SLC5A8: variants seen among roughly 807,000 people sequenced by gnomAD.
SLC5A8 encodes solute carrier family 5 member 8.
A neutral mutation model predicts 71.9 loss-of-function variants in SLC5A8; 55 were observed. The observed-to-expected ratio is 0.77, with a 90% CI of 0.62 to 0.96. The LOEUF is 0.96. SLC5A8 is among the 40% of genes least tolerant of loss of function. SLC5A8 has a pLI of 0.00. For synonymous variants in SLC5A8, 307 were observed against 276.1 expected (o/e 1.11, Z -1.11); for missense variants, 701 against 745.3 (o/e 0.94, Z 0.69).
chr12:101,192,784 C>A (rs1376115186), intron 5 of SLC5A8, among the ~76,000 whole-genome samples: 1 of 152,018 alleles, frequency 6.6e-6, no homozygotes, highest in Non-Finnish European at 1.5e-5. Context: ...TAATCATAAG[C>A]TACTATGTTA....
At chr12:101,158,936 C>T (rs1200946961) in intron 13 of SLC5A8, among the ~76,000 whole-genome samples, 2 of 134,564 alleles carry the variant, frequency 1.5e-5, no homozygotes, top group Non-Finnish European at 3.1e-5. Flanking sequence ...ATCCTCTTCC[C>T]TAAGGTTTTC....
At chr12:101,192,936 T>C (rs1015792531) in intron 5 of SLC5A8, among the ~76,000 whole-genome samples, 1 of 151,462 alleles carries the variant, frequency 6.6e-6, no homozygotes, top group South Asian at 2.1e-4. Context: ...TAATCCAATA[T>C]GCTAGTGTTT....
rs879390572 is a variant in SLC5A8, at chr12:101,166,988, TA to T, written c.1321-290del. ...GCTGGTGAAAAACCTGGACATGGTT[TA>T]AAAAAAAAAAAGATACTGTTTATGG... On this transcript the variant is annotated intron_variant, in intron 11 of 14. Transcript: ENST00000536262. Among the ~76,000 whole-genome samples, 298 of 144,808 alleles carry T rather than the reference TA, an allele frequency of 2.1e-3. 1 individual carries two copies. The highest frequency in any genetic ancestry group is 0.01 in the Middle Eastern group (3 of 286). 95.0% of individuals were successfully genotyped at this position (144,808 alleles called of 152,430 possible).
At position 101,193,880 on chromosome 12, in the gene SLC5A8, T is replaced by A. The variant is rs1593379776; in HGVS notation, c.538-101A>T. 2.4e-6 allele frequency: 3 copies of A among 1,247,344 alleles called. No individual in the cohort carries two copies. In the East Asian group the frequency reaches 7.5e-5, roughly 31 times the overall value. 77.3% of individuals were successfully genotyped at this position (1,247,344 alleles called of 1,614,324 possible). On this transcript the variant is annotated intron_variant, in intron 4 of 14. Transcript: ENST00000536262. The stretch of plus-strand genomic sequence containing the variant: ...TGGAGAAAAATGATATAAACATGAA[T>A]GTTGGCTAAGAAGTGCACTCAAGGG...
intron 13 of SLC5A8, among the ~76,000 whole-genome samples, chr12:101,158,610 A>C (rs1480230804): frequency 1.8e-3 from 156 of 85,318 alleles, no homozygotes; most frequent in African/African-American, 2.7e-3. Context: ...ATATATATAT[A>C]TATATATATA....
Position 101,190,522 on chromosome 12 carries a change from T to C in SLC5A8, c.779A>G (p.Asn260Ser). 6.2e-7 allele frequency: 1 copy of C among 1,613,470 alleles called. No individual in the cohort carries two copies. Among genetic ancestry groups the C allele is most frequent in the Non-Finnish European group, 8.5e-7 (1 of 1,179,770 alleles). Residue 260 changes from asparagine (N) to serine (S), a missense_variant, in exon 6 of 15, where the codon AAC (asparagine) becomes AGC (serine). Physicochemically the swap from Asn to Ser is conservative, Grantham distance 46 (BLOSUM62 1). Transcript: ENST00000536262. ...AATATATCTCTGCACCTGGGATTGG[T>C]TGACACCGTAGATGCTGGTCCATGT... ...TFTWTSIYGV[N>S]QSQVQRYISC...
intron 4 of SLC5A8, 142 bp from the exon 5 acceptor site, chr12:101,193,921 G>A (rs1869045499): frequency 1.2e-6 from 1 of 809,298 alleles, no homozygotes; most frequent in African/African-American, 1.8e-5. Context: ...GTCAGGTTGG[G>A]AGAATCTTCA....
At chr12:101,182,288 TA>T (rs1265905067) in intron 9 of SLC5A8, among the ~76,000 whole-genome samples, 1 of 152,196 alleles carries the variant, frequency 6.6e-6, no homozygotes, top group Admixed American at 6.5e-5. Flanking sequence ...TCAATTCATC[TA>T]ATCTATTAAT....
At chr12:101,176,039 T>C (rs888124412) in intron 10 of SLC5A8, among the ~76,000 whole-genome samples, 3 of 151,970 alleles carry the variant, frequency 2.0e-5, no homozygotes, top group Non-Finnish European at 4.4e-5. Context: ...AGTACACCAA[T>C]GAAAAGACAG....
Position 101,160,759 on chromosome 12 carries a change from A to G in SLC5A8, c.1630+1215T>C, listed in dbSNP as rs565356108. On this transcript the variant is annotated intron_variant, in intron 13 of 14. Coordinates refer to ENST00000536262, the MANE Select transcript of SLC5A8 (RefSeq NM_145913.5). ...TTGAGAATTATTGGAAAAGTAAGTG[A>G]AAAAATATCTCACATAGTAGACCTA... is the stretch of plus-strand genomic sequence containing the variant. Among the ~76,000 whole-genome samples the G allele has an allele frequency of 1.1e-4, 16 of 152,338 alleles. No individual in the cohort carries two copies. In the South Asian group the frequency reaches 1.7e-3, roughly 16 times the overall value.
rs1358542413 is a variant in SLC5A8 at position 101,156,827 on chromosome 12, C to T, written c.*452G>A. The T allele has an allele frequency of 6.3e-6, 1 of 159,316 alleles. No individual in the cohort carries two copies. The highest frequency in any genetic ancestry group is 2.4e-5 in the African/African-American group (1 of 41,460). The allele number at this position is 159,316 out of a possible 1,614,324, so 9.9% of individuals were successfully genotyped here. A position where few individuals can be genotyped will look rare whatever the true frequency, so the allele number is the denominator to read the frequency against. On this transcript the variant is annotated 3_prime_UTR_variant, in exon 15 of 15. Transcript: ENST00000536262. ...ACACAGACCTGTTACCTCATTGCTC[C>T]CTAAGAATGGTGTATGTGGTAGGAG... is the stretch of plus-strand genomic sequence containing the variant.
intron 11 of SLC5A8, among the ~76,000 whole-genome samples, 174 bp downstream of exon 11, chr12:101,167,922 G>C (rs2051788476): frequency 6.6e-6 from 1 of 152,004 alleles, no homozygotes; most frequent in Non-Finnish European, 1.5e-5. Context: ...ACACATTTAG[G>C]GTCCCCATAC....
chr12:101,179,740 T>C (rs2051914266), intron 10 of SLC5A8, among the ~76,000 whole-genome samples: 1 of 152,154 alleles, frequency 6.6e-6, no homozygotes, highest in African/African-American at 2.4e-5. Context: ...AATATATGAG[T>C]TTGATATTGT....
chr12:101,194,258 G>T (rs1258340990), intron 4 of SLC5A8, among the ~76,000 whole-genome samples: 3 of 152,130 alleles, frequency 2.0e-5, no homozygotes, highest in Admixed American at 6.6e-5. Flanking sequence ...AATTTCCCAA[G>T]TTTCTCTATG....
chr12:101,184,530 T>C (rs1250726990), intron 7 of SLC5A8, among the ~76,000 whole-genome samples: 1 of 152,224 alleles, frequency 6.6e-6, no homozygotes, highest in Admixed American at 6.5e-5. Context: ...CTGTAAAAGT[T>C]AATTTAGATA....
intron 12 of SLC5A8, among the ~76,000 whole-genome samples, chr12:101,163,972 A>T (rs868369324): frequency 3.2e-4 from 49 of 152,206 alleles, no homozygotes; most frequent in African/African-American, 1.1e-3. Context: ...TCCAAAGTGG[A>T]TTACACTTCC....
chr12:101,188,437 C>T (rs527930564), intron 6 of SLC5A8, among the ~76,000 whole-genome samples: 37 of 152,178 alleles, frequency 2.4e-4, no homozygotes, highest in African/African-American at 8.7e-4. Flanking sequence ...AGGTACCATC[C>T]CTGAAGTCAT....
chr12:101,158,832 A>G (rs1268617900), intron 13 of SLC5A8, among the ~76,000 whole-genome samples: 4 of 151,010 alleles, frequency 2.6e-5, no homozygotes, highest in Non-Finnish European at 5.9e-5. Flanking sequence ...TGTTGGCTAC[A>G]AATATACATG....
chr12:101,204,363 T>A (rs1869588278), intron 2 of SLC5A8, 137 bp downstream of exon 2: 5 of 711,432 alleles, frequency 7.0e-6, no homozygotes, highest in Admixed American at 3.0e-5. Context: ...GTGACAAGTG[T>A]TTTTCCTTTT....
Sources: gnomAD v4.1 joint callset for allele counts (sites outside exome capture counted in the v4.1 genomes callset) on GRCh38, gnomAD v4.1.1 for gene constraint, MANE v1.5 for transcripts, NCBI Gene and HGNC (gene_info 2026-07-23, HGNC 2026-07-21) for gene names.